Variants in LDLRAD3 observed in about 807,000 individuals in gnomAD.
LDLRAD3 encodes the protein low density lipoprotein receptor class A domain containing 3.
In LDLRAD3, 20 loss-of-function variants were observed where a neutral mutation model predicts 29.4. That is an observed-to-expected ratio of 0.68 (90% CI 0.48 to 0.99). The LOEUF is 0.99. LDLRAD3 is among the 50% of genes least tolerant of loss of function. The pLI, the probability that LDLRAD3 is intolerant of heterozygous loss-of-function variation, is 0.00. For missense variants in LDLRAD3, 420 were observed against 454.3 expected (o/e 0.92, Z 0.69); for synonymous variants, 157 against 192.7 (o/e 0.81, Z 1.53).
intron 2 of LDLRAD3, among the ~76,000 whole-genome samples, chr11:36,060,468 G>A (rs1565193148): frequency 6.6e-6 from 1 of 152,176 alleles, no homozygotes; most frequent in Admixed American, 6.5e-5. Flanking sequence ...CAGAGTTGTT[G>A]CTCTTAATCA....
At chr11:36,010,910 A>C (rs913333589) in intron 1 of LDLRAD3, among the ~76,000 whole-genome samples, 3 of 152,090 alleles carry the variant, frequency 2.0e-5, no homozygotes, top group Admixed American at 6.5e-5. Flanking sequence ...GATTCAAGCA[A>C]TTCTCCTGCC....
chr11:35,995,081 G>A (rs933462897), intron 1 of LDLRAD3, among the ~76,000 whole-genome samples: 1 of 152,196 alleles, frequency 6.6e-6, no homozygotes, highest in African/African-American at 2.4e-5. Flanking sequence ...AATCACAGAT[G>A]TTCTTAATGT....
chr11:36,151,885 A>G (rs936627344), intron 4 of LDLRAD3, among the ~76,000 whole-genome samples: 8 of 152,320 alleles, frequency 5.3e-5, no homozygotes, highest in Non-Finnish European at 1.2e-4. Context: ...AGGAAATGCT[A>G]GATCATGAGC....
intron 2 of LDLRAD3, among the ~76,000 whole-genome samples, chr11:36,060,353 C>CAAA (rs60557347): frequency 9.5e-5 from 7 of 73,548 alleles, no homozygotes; most frequent in Admixed American, 6.8e-4. Flanking sequence ...GACTCTGTCT[C>CAAA]AAAAAAAAAA....
intron 2 of LDLRAD3, among the ~76,000 whole-genome samples, chr11:36,051,601 G>C (rs79880613): frequency 1.3e-5 from 2 of 152,012 alleles, no homozygotes; most frequent in East Asian, 1.9e-4. Flanking sequence ...AAATTCTCCT[G>C]TATAAAAGTT....
In LDLRAD3 at chr11:36,053,186, G is replaced by A. The variant is rs183371651; in HGVS notation, c.193+16937G>A. On this transcript the variant is annotated intron_variant, in intron 2 of 5. Transcript: ENST00000315571. ...TTTGATTTTCACAGAGGCTTCTGTGGTAAACAGACAAAAGAGTTGATTCCT... is the reference window on the plus strand; with the variant it reads ...TTTGATTTTCACAGAGGCTTCTGTGATAAACAGACAAAAGAGTTGATTCCT... Among the ~76,000 whole-genome samples the A allele has an allele frequency of 1.0e-3, 152 of 152,234 alleles. 2 individuals carry two copies. Among genetic ancestry groups the A allele is most frequent in the Non-Finnish European group, 3.7e-4 (25 of 67,998 alleles).
chr11:36,218,517 C>T (rs952580729), intron 4 of LDLRAD3, among the ~76,000 whole-genome samples: 10 of 152,208 alleles, frequency 6.6e-5, no homozygotes, highest in Non-Finnish European at 1.3e-4. Context: ...AGGTTTTCTT[C>T]CTGGCCTGGG....
chr11:36,039,202 C>T (rs1486155917), intron 2 of LDLRAD3, among the ~76,000 whole-genome samples: 3 of 152,078 alleles, frequency 2.0e-5, no homozygotes, highest in Non-Finnish European at 4.4e-5. Context: ...ATCTCCTGAC[C>T]TCGTGACCCG....
At chr11:35,978,278 T>A (rs1231507511) in intron 1 of LDLRAD3, among the ~76,000 whole-genome samples, 6 of 152,142 alleles carry the variant, frequency 3.9e-5, no homozygotes. Context: ...CAAACTGTAG[T>A]CGTTTGTGAA....
intron 4 of LDLRAD3, among the ~76,000 whole-genome samples, chr11:36,109,389 G>A (rs4756278): frequency 0.17 from 25,430 of 151,574 alleles, 2,423 homozygotes; most frequent in Admixed American, 0.25. Flanking sequence ...AACATATGGG[G>A]GATGGCTTCA....
At chr11:36,022,784 TG>T (rs1196723017) in intron 1 of LDLRAD3, among the ~76,000 whole-genome samples, 4 of 152,126 alleles carry the variant, frequency 2.6e-5, no homozygotes, top group African/African-American at 4.8e-5. Context: ...CTTTGCAATC[TG>T]GAAACCCCAA....
chr11:36,231,224 TCTTTC>T lies in LDLRAD3; in HGVS notation c.*1828_*1832del, dbSNP rs1565322214. On this transcript the variant is annotated 3_prime_UTR_variant, in exon 6 of 6. Transcript: ENST00000315571. ...TCAGTGATCCTGTTCTGTAGACTTT[TCTTTC>T]TTTTTTTAACCAAATCCAAAGGATG... The T allele has an allele frequency of 1.3e-5, 2 of 152,320 alleles. No individual in the cohort carries two copies. Among genetic ancestry groups the T allele is most frequent in the Admixed American group, 6.5e-5 (1 of 15,278 alleles). The allele number at this position is 152,320 out of a possible 1,614,324, so 9.4% of individuals were successfully genotyped here. A position where few individuals can be genotyped will look rare whatever the true frequency, so the allele number is the denominator to read the frequency against.
At chr11:36,023,668 T>C (rs1852126979) in intron 1 of LDLRAD3, among the ~76,000 whole-genome samples, 1 of 152,174 alleles carries the variant, frequency 6.6e-6, no homozygotes, top group African/African-American at 2.4e-5. Flanking sequence ...TTGCCTGCTA[T>C]GGGGACGATT....
intron 4 of LDLRAD3, among the ~76,000 whole-genome samples, chr11:36,141,037 C>A (rs1383980103): frequency 2.2e-5 from 1 of 45,468 alleles, no homozygotes; most frequent in African/African-American, 5.5e-5. Context: ...TCTCTCTCTC[C>A]GTGTGGGGGT....
At chr11:36,047,364 TC>T (rs1852465664) in intron 2 of LDLRAD3, among the ~76,000 whole-genome samples, 1 of 152,206 alleles carries the variant, frequency 6.6e-6, no homozygotes, top group Non-Finnish European at 1.5e-5. Flanking sequence ...TTCTAAGGCC[TC>T]CAGTGTTTTT....
At chr11:36,040,989 T>C (rs745433095) in intron 2 of LDLRAD3, among the ~76,000 whole-genome samples, 1 of 152,186 alleles carries the variant, frequency 6.6e-6, no homozygotes, top group Non-Finnish European at 1.5e-5. Flanking sequence ...TGGACTAATA[T>C]TAATTTCCAG....
chr11:36,098,265 T>C, intron 3 of LDLRAD3, 62 bp from the exon 4 acceptor site: 2 of 1,601,964 alleles, frequency 1.2e-6, no homozygotes, highest in South Asian at 1.1e-5. Context: ...TGGAAGAAGT[T>C]CCAGGGTCCC....
chr11:36,169,063 C>A (rs1854558241), intron 4 of LDLRAD3, among the ~76,000 whole-genome samples: 1 of 152,136 alleles, frequency 6.6e-6, no homozygotes, highest in African/African-American at 2.4e-5. Context: ...TGTCTTATTT[C>A]TGATTTGGGT....
In LDLRAD3 at chr11:35,944,294, G is replaced by A. The variant is rs1290270823; in HGVS notation, c.46+150G>A. 1.1e-5 allele frequency: 4 copies of A among 352,226 alleles called. No individual in the cohort carries two copies. Among genetic ancestry groups the A allele is most frequent in the East Asian group, 1.7e-4 (1 of 6,040 alleles). 21.8% of individuals were successfully genotyped at this position (352,226 alleles called of 1,614,324 possible). A position where few individuals can be genotyped will look rare whatever the true frequency, so the allele number is the denominator to read the frequency against. On this transcript the variant is annotated intron_variant, in intron 1 of 5. Transcript: ENST00000315571. This position sits in a 1 kb window ranked among gnomAD's most constrained non-coding sequence, Gnocchi z 4.9. ...GAGGGCGGACCCCGGCGCCGGGCTG[G>A]CCCGGACCCTGCCGAGGGGCCGCCG... is the stretch of plus-strand genomic sequence containing the variant.
Sources: gnomAD v4.1 joint callset for allele counts (sites outside exome capture counted in the v4.1 genomes callset) on GRCh38, gnomAD v4.1.1 for gene constraint, Gnocchi (gnomAD v3.1) non-coding constraint, MANE v1.5 for transcripts, NCBI Gene and HGNC (gene_info 2026-07-23, HGNC 2026-07-21) for gene names.